MACF1: variants seen among roughly 807,000 people sequenced by gnomAD.
MACF1 encodes microtubule actin crosslinking factor 1, also known as microtubule-actin cross-linking factor 1.
A neutral mutation model predicts 854.8 loss-of-function variants in MACF1; 193 were observed. The observed-to-expected ratio is 0.23, with a 90% CI of 0.20 to 0.25. MACF1 has a LOEUF of 0.25. MACF1 is among the 10% of genes least tolerant of loss of function. The pLI is 1.00. For synonymous variants in MACF1, 3,185 were observed against 3,226.7 expected (o/e 0.99, Z 0.44); for missense variants, 7,722 against 8,929.1 (o/e 0.86, Z 5.45).
chr1:39,411,241 C>T, intron 58 of MACF1: 2 of 1,613,762 alleles, frequency 1.2e-6, no homozygotes, highest in Non-Finnish European at 1.7e-6. Flanking sequence ...GGAGGATGAG[C>T]GATGGATTAT....
At chr1:39,363,635 C>T (rs1648406780) in intron 49 of MACF1, among the ~76,000 whole-genome samples, 2 of 142,592 alleles carry the variant, frequency 1.4e-5, no homozygotes, top group African/African-American at 5.3e-5. Context: ...CAGAGTCTTA[C>T]TCTGCGCTCT....
chr1:39,221,985 G>A (rs545626260), intron 1 of MACF1, among the ~76,000 whole-genome samples: 1 of 152,284 alleles, frequency 6.6e-6, no homozygotes, highest in East Asian at 1.9e-4. Flanking sequence ...TGTGATGTCA[G>A]CTAGCTGTTC....
intron 2 of MACF1, among the ~76,000 whole-genome samples, chr1:39,160,469 T>G (rs1308389426): frequency 6.6e-6 from 1 of 152,252 alleles, no homozygotes; most frequent in Admixed American, 6.5e-5. Flanking sequence ...TCACCTTGAA[T>G]GGAGTTCTGT....
At chr1:39,183,958 T>C (rs2148237184) in intron 2 of MACF1, among the ~76,000 whole-genome samples, 1 of 152,326 alleles carries the variant, frequency 6.6e-6, no homozygotes, top group South Asian at 2.1e-4. Context: ...CAAAGGAATT[T>C]CAAAGAACAT....
intron 18 of MACF1, among the ~76,000 whole-genome samples, 174 bp downstream of exon 18, chr1:39,293,793 GA>G (rs1471792088): frequency 2.6e-5 from 4 of 152,028 alleles, no homozygotes; most frequent in Non-Finnish European, 5.9e-5. Flanking sequence ...AGGGACAGTA[GA>G]ACCCTAGAGT....
intron 99 of MACF1, among the ~76,000 whole-genome samples, chr1:39,482,504 G>C (rs1199425366): frequency 1.4e-5 from 2 of 146,910 alleles, no homozygotes; most frequent in African/African-American, 2.5e-5. Context: ...AATGTTTTGG[G>C]GGTTTTTTTG....
rs34930273 is a variant in MACF1 at position 39,307,901 on chromosome 1, C to CTTTTTTT, written c.2790-1654_2790-1648dup. On this transcript the variant is annotated intron_variant, in intron 23 of 100. Transcript: ENST00000564288. ...TTATTTCTCTTTTCTTTCTTTCTTT[C>CTTTTTTT]TTTTTTTTTTTTTTTTTTTTTGAGA... 1.1e-3 allele frequency among the ~76,000 whole-genome samples: 57 copies of CTTTTTTT among 50,340 alleles called. 3 individuals carry two copies. Among genetic ancestry groups the CTTTTTTT allele is most frequent in the African/African-American group, 1.5e-3 (20 of 13,134 alleles). 33.0% of individuals were successfully genotyped at this position (50,340 alleles called of 152,430 possible). A position where few individuals can be genotyped will look rare whatever the true frequency, so the allele number is the denominator to read the frequency against.
In MACF1 at chr1:39,334,826, TG is replaced by T. The variant is rs867697003; in HGVS notation, c.8239del (p.Glu2747ArgfsTer4). 3.7e-6 allele frequency: 6 copies of T among 1,614,020 alleles called. No individual in the cohort carries two copies. Among genetic ancestry groups the T allele is most frequent in the Non-Finnish European group, 5.1e-6 (6 of 1,180,014 alleles). On this transcript the variant is annotated frameshift_variant, in exon 37 of 101. Coordinates refer to ENST00000564288, the MANE Select transcript of MACF1 (RefSeq NM_001394062.1). LOFTEE classifies it high-confidence loss of function. ...AGAGAGTGACTTTAGTAGAAGCTAT[TG>T]AGAAAAGACTGATCAGCCCTGAACT... ...DQRVTLVEAI[E>X]KRLISPELAN... is the part of the protein sequence containing the mutation.
intron 2 of MACF1, among the ~76,000 whole-genome samples, chr1:39,122,532 C>T (rs1373717700): frequency 6.6e-6 from 1 of 152,144 alleles, no homozygotes; most frequent in Non-Finnish European, 1.5e-5. Context: ...GGATTACAGG[C>T]GTGAGCCACT....
chr1:39,092,387 A>C (rs1641829152), intron 2 of MACF1, among the ~76,000 whole-genome samples: 1 of 152,018 alleles, frequency 6.6e-6, no homozygotes, highest in Admixed American at 6.6e-5. Context: ...AGAGTCCTAG[A>C]TGGGTGCCAG....
In MACF1 at chr1:39,163,365, A is replaced by G. The variant is rs749708893; in HGVS notation, c.221-67817A>G. Among the ~76,000 whole-genome samples the G allele has an allele frequency of 4.1e-3, 612 of 150,686 alleles. 3 individuals are homozygous for G. Among genetic ancestry groups the G allele is most frequent in the Non-Finnish European group, 6.9e-3 (465 of 67,586 alleles). ...CAAAAAAAAAAAAAAAAAAAAGAAA[A>G]GAAAAGAAAAAAAGAAACTCCATAG... is the stretch of plus-strand genomic sequence containing the variant. On this transcript the variant is annotated intron_variant, in intron 2 of 93. Transcript: ENST00000361689.
intron 93 of MACF1, among the ~76,000 whole-genome samples, chr1:39,462,329 G>A (rs748932277): frequency 4.6e-5 from 7 of 152,148 alleles, no homozygotes; most frequent in Admixed American, 3.3e-4. Flanking sequence ...TGGTTCACTC[G>A]TCCTGTGTTT....
At chr1:39,435,784 T>C (rs1643959493) in intron 70 of MACF1, 23 bp downstream of exon 70, 1 of 1,607,354 alleles carries the variant, frequency 6.2e-7, no homozygotes, top group Admixed American at 1.7e-5. Context: ...CTGACACTCA[T>C]AACCTTGAAT....
At position 39,460,508 on chromosome 1, in the gene MACF1, G is replaced by T; in HGVS notation, c.21361-124G>T. 2 of 795,210 alleles carry T rather than the reference G, an allele frequency of 2.5e-6. No individual in the cohort carries two copies. Among genetic ancestry groups the T allele is most frequent in the Non-Finnish European group, 4.1e-6 (2 of 485,596 alleles). The allele number at this position is 795,210 out of a possible 1,614,324, so 49.3% of individuals were successfully genotyped here. ...CCTTCACAAAAGAAGCAAACACATA[G>T]ATTTCATTGTTGATGGCCCCTGGAA... On this transcript the variant is annotated intron_variant, in intron 91 of 100. Coordinates refer to ENST00000564288, the MANE Select transcript of MACF1 (RefSeq NM_001394062.1). The surrounding 1 kb of genome is among the most constrained non-coding windows in gnomAD (Gnocchi z 4.1).
intron 2 of MACF1, among the ~76,000 whole-genome samples, chr1:39,141,815 A>G (rs114011427): frequency 4.0e-4 from 61 of 152,310 alleles, no homozygotes; most frequent in African/African-American, 1.4e-3. Flanking sequence ...TATGGTGGGT[A>G]GTGGGAGACC....
intron 58 of MACF1, chr1:39,412,283 A>G (rs981231622): frequency 2.5e-6 from 4 of 1,614,042 alleles, no homozygotes; most frequent in Non-Finnish European, 3.4e-6. Context: ...GAGGTGTTAT[A>G]TGAATCAAAT....
chr1:39,474,475 C>T (rs1644837732), intron 97 of MACF1, among the ~76,000 whole-genome samples: 1 of 151,608 alleles, frequency 6.6e-6, no homozygotes. Flanking sequence ...CCGGGCGGAT[C>T]ACCCGAGGTC....
At chr1:39,431,809 C>A (rs975697091) in intron 66 of MACF1, among the ~76,000 whole-genome samples, 3 of 151,608 alleles carry the variant, frequency 2.0e-5, no homozygotes, top group African/African-American at 7.3e-5. Flanking sequence ...CACATCTCTA[C>A]AGAAATATTT....
intron 2 of MACF1, among the ~76,000 whole-genome samples, chr1:39,137,448 A>G (rs1162998125): frequency 6.6e-6 from 1 of 152,184 alleles, no homozygotes; most frequent in Non-Finnish European, 1.5e-5. Context: ...GCTCACTGTA[A>G]CGTGTCTACC....
Sources: allele counts gnomAD v4.1 joint callset (sites outside exome capture counted in the v4.1 genomes callset), GRCh38; gene constraint gnomAD v4.1.1; non-coding constraint Gnocchi (gnomAD v3.1); transcripts MANE v1.5; gene names NCBI Gene and HGNC (gene_info 2026-07-23, HGNC 2026-07-21).